Variants in SMOX observed in about 807,000 individuals in gnomAD.
SMOX encodes flavin containing amine oxidase.
Under a neutral mutation model 51.0 loss-of-function variants are expected in SMOX, and 22 were observed. That is an observed-to-expected ratio of 0.43 (90% CI 0.31 to 0.62). SMOX has a LOEUF of 0.62. SMOX is among the 20% of genes least tolerant of loss of function. The probability of loss-of-function intolerance (pLI) is 0.10; values close to 1 mark genes in which losing one functional copy is unlikely to be tolerated. For missense variants in SMOX, 566 were observed against 777.7 expected (o/e 0.73, Z 3.24); for synonymous variants, 282 against 307.8 (o/e 0.92, Z 0.88).
intron 1 of SMOX, among the ~76,000 whole-genome samples, chr20:4,155,424 C>G (rs1433490066): frequency 2.0e-5 from 3 of 149,432 alleles, no homozygotes; most frequent in African/African-American, 7.3e-5. Context: ...GTGGGGGGGG[C>G]CTGGATGCTT....
chr20:4,183,925 T>C lies in SMOX; in HGVS notation c.1530+271T>C, dbSNP rs953995092. On this transcript the variant is annotated intron_variant, in intron 6 of 6. Transcript: ENST00000305958. This position sits in a 1 kb window ranked among gnomAD's most constrained non-coding sequence, Gnocchi z 4.3. ...GCTGTGCTGGCCAATACGGTAGCTATCAGCCACTTTCAATTTAAATTAATT... is the reference window on the plus strand; with the variant it reads ...GCTGTGCTGGCCAATACGGTAGCTACCAGCCACTTTCAATTTAAATTAATT... Among the ~76,000 whole-genome samples, 2 of 152,182 alleles carry C rather than the reference T, an allele frequency of 1.3e-5. No individual in the cohort carries two copies. Among genetic ancestry groups the C allele is most frequent in the African/African-American group, 4.8e-5 (2 of 41,430 alleles).
rs1479107965 is a variant in SMOX, at chr20:4,183,791, GA to G, written c.1530+138del. The G allele has an allele frequency of 1.0e-6, 1 of 966,844 alleles. No individual in the cohort carries two copies. The allele number at this position is 966,844 out of a possible 1,614,324, so 59.9% of individuals were successfully genotyped here. ...GCAGGGATGGAGTAGCTTCTGTAAT[GA>G]GAGAGAACACAAGGAAAAAAGTGTG... On this transcript the variant is annotated intron_variant, in intron 6 of 6. Coordinates refer to ENST00000305958, the MANE Select transcript of SMOX (RefSeq NM_175839.3). The surrounding 1 kb of genome is among the most constrained non-coding windows in gnomAD (Gnocchi z 4.3).
At chr20:4,163,634 T>C (rs1986433590) in intron 1 of SMOX, among the ~76,000 whole-genome samples, 1 of 152,246 alleles carries the variant, frequency 6.6e-6, no homozygotes, top group African/African-American at 2.4e-5. Flanking sequence ...GCTCGGGGTC[T>C]CTAGTGAGGT....
chr20:4,186,011 C>T (rs546485367), intron 6 of SMOX, among the ~76,000 whole-genome samples: 1 of 152,296 alleles, frequency 6.6e-6, no homozygotes, highest in South Asian at 2.1e-4. Flanking sequence ...GGATTAAAAA[C>T]TGCATTCTGG....
rs1234080477 is a variant in SMOX, at chr20:4,183,405, T to G, written c.1370-89T>G. 1.0e-5 allele frequency: 16 copies of G among 1,592,416 alleles called. No individual in the cohort carries two copies. The highest frequency in any genetic ancestry group is 1.4e-5 in the Non-Finnish European group (16 of 1,163,364). On this transcript the variant is annotated intron_variant, in intron 5 of 6. Transcript: ENST00000305958. The surrounding 1 kb of genome is among the most constrained non-coding windows in gnomAD (Gnocchi z 4.3). ...TCTGGTCCTCCCGGAGCCCTGGAGG[T>G]GGGGTGGGGGGTTGTCCCTTTGGGG...
chr20:4,177,078 A>G lies in SMOX; in HGVS notation c.209-273A>G, dbSNP rs1298906455. ...TGGTGTTACCTGAGAAAAAGGTGGG[A>G]CGGAAAAAGAAGAGCCTTCTAACTG... is the stretch of plus-strand genomic sequence containing the variant. On this transcript the variant is annotated intron_variant, in intron 2 of 6. Coordinates refer to ENST00000305958, the MANE Select transcript of SMOX (RefSeq NM_175839.3). This position sits in a 1 kb window ranked among gnomAD's most constrained non-coding sequence, Gnocchi z 4.3. Among the ~76,000 whole-genome samples, 2 of 152,164 alleles carry G rather than the reference A, an allele frequency of 1.3e-5. No individual in the cohort carries two copies. Among genetic ancestry groups the G allele is most frequent in the African/African-American group, 4.8e-5 (2 of 41,428 alleles).
intron 1 of SMOX, among the ~76,000 whole-genome samples, chr20:4,160,987 G>A (rs1276276254): frequency 2.0e-5 from 3 of 152,198 alleles, no homozygotes; most frequent in South Asian, 2.1e-4. Context: ...GCAGAGTCAC[G>A]AGGGGCCGCT....
Position 4,182,672 on chromosome 20 carries a change from C to T in SMOX, c.1193C>T (p.Thr398Ile). ...WEDEAESHTL[T>I]YPPELWYRKI... ...GACGAAGCAGAGAGCCACACCCTCA[C>T]CTACCCACCTGAGCTCTGGTACCGC... The change falls in exon 5 of 7, where the codon ACC becomes ATC. Residue 398 changes from threonine (T) to isoleucine (I), a missense_variant. Thr to Ile is a moderately conservative substitution (Grantham distance 89, BLOSUM62 -1). Coordinates refer to ENST00000305958, the MANE Select transcript of SMOX (RefSeq NM_175839.3). This position sits in a 1 kb window ranked among gnomAD's most constrained non-coding sequence, Gnocchi z 8.4. 2 of 1,614,162 alleles carry T rather than the reference C, an allele frequency of 1.2e-6. No individual in the cohort carries two copies. Among genetic ancestry groups the T allele is most frequent in the Admixed American group, 1.7e-5 (1 of 60,020 alleles).
chr20:4,170,800 G>A lies in SMOX; in HGVS notation c.-26-4230G>A, dbSNP rs908510049. Among the ~76,000 whole-genome samples the A allele has an allele frequency of 6.6e-6, 1 of 152,156 alleles. No individual in the cohort carries two copies. The highest frequency in any genetic ancestry group is 1.5e-5 in the Non-Finnish European group (1 of 68,038). On this transcript the variant is annotated intron_variant, in intron 1 of 6. Transcript: ENST00000305958. This position sits in a 1 kb window ranked among gnomAD's most constrained non-coding sequence, Gnocchi z 4.6. Reference sequence around the variant, plus strand: ...TGGCCTCTTGGGACACTTCAGTCAGGGTGGTGGTGGCTCTGGACAGCTGGG... The same window carrying A: ...TGGCCTCTTGGGACACTTCAGTCAGAGTGGTGGTGGCTCTGGACAGCTGGG...
At chr20:4,151,732 G>A (rs187009201) in intron 1 of SMOX, among the ~76,000 whole-genome samples, 316 of 152,176 alleles carry the variant, frequency 2.1e-3, no homozygotes, top group African/African-American at 7.1e-3. Flanking sequence ...GTAATTAATC[G>A]TAGCACCTGA....
intron 6 of SMOX, chr20:4,186,808 G>C (rs375152485): frequency 1.5e-5 from 12 of 780,908 alleles, no homozygotes; most frequent in Non-Finnish European, 2.2e-5. Context: ...AACAGCCCCT[G>C]GATGCTAACA....
chr20:4,168,297 G>A (rs963526192), intron 1 of SMOX, among the ~76,000 whole-genome samples: 3 of 152,176 alleles, frequency 2.0e-5, no homozygotes, highest in South Asian at 2.1e-4. Flanking sequence ...GCAGATGTGC[G>A]GTTGGAGGAG....
Position 4,183,529 on chromosome 20 carries a change from C to T in SMOX, c.1405C>T (p.Arg469Cys), listed in dbSNP as rs534746380. ...CATTCCAAAACCTCGGCGAATCTTGCGCTCGGCCTGGGGCAGCAACCCTTA... is the reference window on the plus strand; with the variant it reads ...CATTCCAAAACCTCGGCGAATCTTGTGCTCGGCCTGGGGCAGCAACCCTTA... The part of the protein sequence containing the change: ...PNIPKPRRIL[R>C]SAWGSNPYFR... Residue 469 changes from arginine (R) to cysteine (C), a missense_variant, in exon 6 of 7, where the codon CGC becomes TGC. This residue lies in a region of SMOX where 347 missense variants were observed against 481.8 expected (regional missense o/e 0.72). Coordinates refer to ENST00000305958, the MANE Select transcript of SMOX (RefSeq NM_175839.3). This position sits in a 1 kb window ranked among gnomAD's most constrained non-coding sequence, Gnocchi z 4.3. 29 of 1,614,208 alleles carry T rather than the reference C, an allele frequency of 1.8e-5. No homozygotes were observed. Among genetic ancestry groups the T allele is most frequent in the East Asian group, 2.2e-5 (1 of 44,890 alleles).
chr20:4,179,956 C>T (rs16989285), intron 3 of SMOX, among the ~76,000 whole-genome samples: 8,361 of 152,212 alleles, frequency 0.055, 786 homozygotes, highest in African/African-American at 0.19. Context: ...GTGAAGGCTG[C>T]CCTCGTTGGT....
intron 1 of SMOX, among the ~76,000 whole-genome samples, chr20:4,171,338 A>C (rs943730476): frequency 6.6e-6 from 1 of 152,162 alleles, no homozygotes; most frequent in Non-Finnish European, 1.5e-5. Flanking sequence ...AACAGAAAAC[A>C]AGTTGCCCCT....
chr20:4,165,343 C>T (rs1395570998), intron 1 of SMOX, among the ~76,000 whole-genome samples: 3 of 152,052 alleles, frequency 2.0e-5, no homozygotes, highest in East Asian at 1.9e-4. Flanking sequence ...CCTGAGCCAC[C>T]GCACCCGGCC....
intron 1 of SMOX, among the ~76,000 whole-genome samples, chr20:4,174,383 C>T (rs982553483): frequency 6.6e-6 from 1 of 151,794 alleles, no homozygotes; most frequent in Non-Finnish European, 1.5e-5. Flanking sequence ...ATCTTCGGGT[C>T]CAGGCAAGTA....
Position 4,187,274 on chromosome 20 carries a change from T to C in SMOX, c.1535T>C (p.Met512Thr), listed in dbSNP as rs780837040. 6 of 1,613,800 alleles carry C rather than the reference T, an allele frequency of 3.7e-6. No homozygotes were observed. Among genetic ancestry groups the C allele is most frequent in the South Asian group, 1.1e-5 (1 of 90,990 alleles). Residue 512 changes from methionine (M) to threonine (T), a missense_variant, in exon 7 of 7, where the codon ATG becomes ACG. Met to Thr is a moderately conservative substitution (Grantham distance 81). Coordinates refer to ENST00000305958, the MANE Select transcript of SMOX (RefSeq NM_175839.3). This position sits in a 1 kb window ranked among gnomAD's most constrained non-coding sequence, Gnocchi z 4.8. ...CTCCCCATCCCCGCCCCGCAGCCCATGCAGGTGCTGTTTTCCGGTGAGGCC... is the reference window on the plus strand; with the variant it reads ...CTCCCCATCCCCGCCCCGCAGCCCACGCAGGTGCTGTTTTCCGGTGAGGCC... ...PYTESSKTAP[M>T]QVLFSGEATH...
intron 1 of SMOX, among the ~76,000 whole-genome samples, chr20:4,150,077 TCTCCAGTGTTAGA>T (rs1985658788): frequency 2.0e-5 from 3 of 152,178 alleles, no homozygotes. Context: ...ACCTCCTCTC[TCTCCAGTGTTAGA>T]AGTGGCTTCT....
Sources: gnomAD v4.1 joint callset for allele counts (sites outside exome capture counted in the v4.1 genomes callset) on GRCh38, gnomAD v4.1.1 for gene constraint, gnomAD v4.1.1 regional missense constraint, Gnocchi (gnomAD v3.1) non-coding constraint, MANE v1.5 for transcripts, NCBI Gene and HGNC (gene_info 2026-07-23, HGNC 2026-07-21) for gene names.